The following LRRC59 variants were observed in gnomAD, a reference collection of about 807,000 sequenced individuals.
LRRC59 encodes leucine-rich repeat-containing protein 59.
LRRC59 carries 18 observed loss-of-function variants against 33.5 expected under a neutral mutation model. The ratio of observed to expected loss-of-function variants is 0.54; its 90% CI spans 0.37 to 0.80. The LOEUF (loss-of-function observed/expected upper bound fraction) is 0.80. Ranked by LOEUF, LRRC59 falls within the 30% of genes least tolerant of loss-of-function variation. LRRC59 has a pLI of 0.00. For missense variants in LRRC59, 330 were observed against 391.9 expected, an observed-to-expected ratio of 0.84 and a Z score of 1.33; for synonymous variants, 138 against 160.0, an observed-to-expected ratio of 0.86 and a Z score of 1.04.
chr17:50,397,261 T>C lies in LRRC59; in HGVS notation c.57A>G (p.Glu19=). The change falls in exon 1 of 7, where the codon GAA becomes GAG. Residue 19 remains glutamate, a synonymous_variant. Transcript: ENST00000225972. ...TCAGGTCGCTGAGGCTCAGGTCCAG[T>C]TCGTTGCCGTCCAGCTTGTCGCGGA... ...GNLRDKLDGN[E]LDLSLSDLNE... The C allele has an allele frequency of 1.2e-6, 2 of 1,609,964 alleles. No homozygotes were observed. The highest frequency in any genetic ancestry group is 8.5e-7 in the Non-Finnish European group (1 of 1,178,532).
intron 4 of LRRC59, among the ~76,000 whole-genome samples, chr17:50,390,110 A>G (rs1385352745): frequency 1.3e-5 from 2 of 151,376 alleles, no homozygotes; most frequent in Non-Finnish European, 1.5e-5. Flanking sequence ...AAAAAAAAAA[A>G]AAAAAAGAAA....
rs753878364 is a variant in LRRC59, at chr17:50,388,112, G to A, written c.450C>T (p.Ala150=). The A allele has an allele frequency of 3.7e-6, 6 of 1,614,178 alleles. No individual in the cohort carries two copies. Among genetic ancestry groups the A allele is most frequent in the East Asian group, 2.2e-5 (1 of 44,888 alleles). Residue 150 remains alanine (A), a synonymous_variant, in exon 5 of 7, where the codon GCC becomes GCT. Coordinates refer to ENST00000225972, the MANE Select transcript of LRRC59 (RefSeq NM_018509.4). The part of the protein sequence containing the change: ...CANKVLQHMK[A]VQADQERERQ... ...TCTCCCGCTCCTGATCTGCCTGCAC[G>A]GCCTTCATGTGCTGTAACACCTGCA...
At chr17:50,385,828 G>A (rs1205906779) in intron 5 of LRRC59, among the ~76,000 whole-genome samples, 2 of 152,188 alleles carry the variant, frequency 1.3e-5, no homozygotes, top group Non-Finnish European at 2.9e-5. Context: ...GGGAGGTGAA[G>A]CTGGGAGTAT....
At chr17:50,383,542 C>T (rs1255329540) in intron 6 of LRRC59, among the ~76,000 whole-genome samples, 1 of 152,116 alleles carries the variant, frequency 6.6e-6, no homozygotes, top group African/African-American at 2.4e-5. Flanking sequence ...GAGGGAGAGG[C>T]TTATCAGGAA....
rs1333982264 is a variant in LRRC59, at chr17:50,392,897, A to C, written c.166T>G (p.Ser56Ala). The part of the protein sequence containing the change: ...LSCNKLTTLP[S>A]DFCGLTHLVK... ...AGGTGTGTGAGGCCACAGAAATCCG[A>C]CTAGGATCCAAAGAGAGAACCTAAG... The change falls in exon 3 of 7, where the codon TCG becomes GCG. Residue 56 changes from serine to alanine, a missense_variant and splice_region_variant. Coordinates refer to ENST00000225972, the MANE Select transcript of LRRC59 (RefSeq NM_018509.4). The C allele has an allele frequency of 6.2e-7, 1 of 1,612,334 alleles. No individual in the cohort carries two copies. The highest frequency in any genetic ancestry group is 2.2e-5 in the East Asian group (1 of 44,854).
Position 50,392,998 on chromosome 17 carries a change from T to C in LRRC59, c.166-101A>G, listed in dbSNP as rs543095545. On this transcript the variant is annotated intron_variant, in intron 2 of 6. Coordinates refer to ENST00000225972, the MANE Select transcript of LRRC59 (RefSeq NM_018509.4). ...CAAATTTGTAACCTTTCTTAAAACA[T>C]TACGAGATTTTTTTTCCTTTTTCAG... 5.6e-4 allele frequency: 651 copies of C among 1,170,314 alleles called. 3 individuals are homozygous for C. The African/African-American group carries it at 9.2e-3, about 17-fold the overall frequency. 72.5% of individuals were successfully genotyped at this position (1,170,314 alleles called of 1,614,324 possible).
At chr17:50,390,671 T>C (rs914163829) in intron 4 of LRRC59, among the ~76,000 whole-genome samples, 4 of 152,168 alleles carry the variant, frequency 2.6e-5, no homozygotes, top group African/African-American at 7.2e-5. Context: ...TGCTTTAATA[T>C]GTACCAAGCA....
intron 2 of LRRC59, among the ~76,000 whole-genome samples, chr17:50,393,868 T>C (rs1394410930): frequency 6.6e-6 from 1 of 152,216 alleles, no homozygotes; most frequent in Non-Finnish European, 1.5e-5. Context: ...TTATTTTTAA[T>C]TTTTTAGAGG....
At chr17:50,397,045 G>T (rs1167599463) in intron 1 of LRRC59, 168 bp downstream of exon 1, 4 of 469,520 alleles carry the variant, frequency 8.5e-6, no homozygotes, top group Non-Finnish European at 1.1e-5. Context: ...TACATCCCGG[G>T]AAGAACCTTG....
chr17:50,390,200 T>C (rs1262504317), intron 4 of LRRC59, among the ~76,000 whole-genome samples: 3 of 151,582 alleles, frequency 2.0e-5, no homozygotes, highest in Admixed American at 1.3e-4. Flanking sequence ...CCCGTTGCCA[T>C]GATTGCAGGG....
chr17:50,395,304 C>T (rs758746588), intron 1 of LRRC59, among the ~76,000 whole-genome samples: 8 of 145,968 alleles, frequency 5.5e-5, no homozygotes, highest in Non-Finnish European at 7.4e-5. Context: ...CGCTTGAGCC[C>T]AGGAGTTCAG....
rs527990569 is a variant in LRRC59 at position 50,386,736 on chromosome 17, G to A, written c.502+1324C>T. 1.1e-4 allele frequency among the ~76,000 whole-genome samples: 16 copies of A among 152,070 alleles called. No homozygotes were observed. The South Asian group carries it at 1.2e-3, about 12-fold the overall frequency. On this transcript the variant is annotated intron_variant, in intron 5 of 6. Transcript: ENST00000225972. ...CTGTAACTTGGCACGGTGCTCTCAG[G>A]GACTGCCTGTAATCAGTACTGTACA...
intron 5 of LRRC59, 31 bp downstream of exon 5, chr17:50,388,028 GA>G (rs778406335): frequency 6.2e-7 from 1 of 1,609,820 alleles, no homozygotes; most frequent in East Asian, 2.2e-5. Context: ...ATGAGGACCT[GA>G]AAGATAACTA....
At chr17:50,388,166 A>T in intron 4 of LRRC59, 34 bp from the exon 5 acceptor site, 1 of 1,594,294 alleles carries the variant, frequency 6.3e-7, no homozygotes, top group African/African-American at 1.3e-5. Flanking sequence ...AGTGCTCTTC[A>T]TAGTCATGTT....
At chr17:50,388,275 A>G (rs3760412) in intron 4 of LRRC59, 143 bp from the exon 5 acceptor site, 149,897 of 727,896 alleles carry the variant, frequency 0.21, 17,357 homozygotes, top group Admixed American at 0.25. Context: ...GTGGTGGCTC[A>G]CGCCTGTAAC....
intron 2 of LRRC59, among the ~76,000 whole-genome samples, chr17:50,393,546 A>C (rs1330850427): frequency 6.6e-6 from 1 of 152,230 alleles, no homozygotes; most frequent in Non-Finnish European, 1.5e-5. Context: ...CATTCTGTGA[A>C]TAACTAACTG....
intron 4 of LRRC59, among the ~76,000 whole-genome samples, chr17:50,388,820 T>G (rs1207729618): frequency 1.3e-5 from 2 of 152,130 alleles, no homozygotes; most frequent in South Asian, 2.1e-4. Flanking sequence ...GTGGCTACCT[T>G]AAGTCCCCCT....
chr17:50,388,577 T>TA (rs1914068388), intron 4 of LRRC59, among the ~76,000 whole-genome samples: 1 of 152,100 alleles, frequency 6.6e-6, no homozygotes, highest in Non-Finnish European at 1.5e-5. Context: ...ACCAAACTAA[T>TA]AGAGTTAATT....
chr17:50,381,565 A>G lies in LRRC59; in HGVS notation c.*1423T>C, dbSNP rs139604088. On this transcript the variant is annotated 3_prime_UTR_variant, in exon 7 of 7. Transcript: ENST00000225972. ...GAAGATTAACAAAGTCCTTTCTTCC[A>G]ATATCAGGATAGTCATGAGTTGCAG... 3 of 153,180 alleles carry G rather than the reference A, an allele frequency of 2.0e-5. No individual in the cohort carries two copies. Among genetic ancestry groups the G allele is most frequent in the African/African-American group, 7.2e-5 (3 of 41,592 alleles). 9.5% of individuals were successfully genotyped at this position (153,180 alleles called of 1,614,324 possible).
Sources: gnomAD v4.1 joint callset for allele counts (sites outside exome capture counted in the v4.1 genomes callset) on GRCh38, gnomAD v4.1.1 for gene constraint, MANE v1.5 for transcripts, NCBI Gene and HGNC (gene_info 2026-07-23, HGNC 2026-07-21) for gene names.